CHST3: variants seen among roughly 807,000 people sequenced by gnomAD.
CHST3 encodes the protein carbohydrate sulfotransferase 3, also known as C6ST-1.
CHST3 carries 20 observed loss-of-function variants against 35.4 expected under a neutral mutation model. The observed-to-expected ratio is 0.57, with a 90% CI of 0.40 to 0.82. The LOEUF is 0.82. Ranked by LOEUF, CHST3 falls within the 40% of genes least tolerant of loss-of-function variation. CHST3 has a pLI of 0.00. For synonymous variants in CHST3, 334 were observed against 295.9 expected, an observed-to-expected ratio of 1.13 and a Z score of -1.32; for missense variants, 693 against 670.1, an observed-to-expected ratio of 1.03 and a Z score of -0.38.
chr10:72,006,118 C>T, intron 2 of CHST3, 136 bp downstream of exon 2: 2 of 1,109,642 alleles, frequency 1.8e-6, no homozygotes, highest in Non-Finnish European at 2.7e-6. Flanking sequence ...TTCTATGTCC[C>T]AGGCAGTGGC....
rs1209265336 is a variant in CHST3 at position 72,009,649 on chromosome 10, G to C, written c.*1178G>C. On this transcript the variant is annotated 3_prime_UTR_variant, in exon 3 of 3. Transcript: ENST00000373115. The stretch of plus-strand genomic sequence containing the variant: ...CGTGGGGGAGAAGTCCCACCAGGAT[G>C]CCCCCCCTCCCCTGAGAAGCCCGCC... 1 of 152,284 alleles carries C rather than the reference G, an allele frequency of 6.6e-6. No individual in the cohort carries two copies. The highest frequency in any genetic ancestry group is 2.4e-5 in the African/African-American group (1 of 41,424). 9.4% of individuals were successfully genotyped at this position (152,284 alleles called of 1,614,324 possible).
intron 1 of CHST3, among the ~76,000 whole-genome samples, chr10:71,992,635 A>T (rs1193840355): frequency 6.7e-6 from 1 of 149,850 alleles, no homozygotes; most frequent in African/African-American, 2.5e-5. Context: ...CTGCTGCTTT[A>T]TCAACTAAGT....
In CHST3 at chr10:72,008,019, C is replaced by T. The variant is rs267606732; in HGVS notation, c.988C>T (p.Gln330Ter). ...GAAGAAGTGGCTGGACGACGAGGGC[C>T]AGGACGGCCTGAGGGAAGAGGAGGT... The part of the protein sequence containing the change: ...TWKKWLDDEG[Q>*]DGLREEEVQR... The change falls in exon 3 of 3, where the codon CAG becomes TAG. Residue 330 changes from glutamine to a stop codon, truncating the protein, a stop_gained. Coordinates refer to ENST00000373115, the MANE Select transcript of CHST3 (RefSeq NM_004273.5). LOFTEE classifies it high-confidence loss of function. 6.5e-7 allele frequency: 1 copy of T among 1,549,512 alleles called. No individual in the cohort carries two copies. Among genetic ancestry groups the T allele is most frequent in the Middle Eastern group, 1.7e-4 (1 of 5,798 alleles).
intron 1 of CHST3, among the ~76,000 whole-genome samples, chr10:71,967,593 A>G (rs1309225382): frequency 6.6e-6 from 1 of 152,088 alleles, no homozygotes; most frequent in Non-Finnish European, 1.5e-5. Context: ...ATTTAGGTTG[A>G]TTTCATGTTT....
At chr10:71,992,141 G>A (rs184474463) in intron 1 of CHST3, among the ~76,000 whole-genome samples, 46 of 152,174 alleles carry the variant, frequency 3.0e-4, no homozygotes, top group Non-Finnish European at 5.4e-4. Flanking sequence ...CTGAAGAGTA[G>A]GGTGGCTATG....
At chr10:72,006,038 C>A in intron 2 of CHST3, 56 bp downstream of exon 2, 19 of 1,407,102 alleles carry the variant, frequency 1.4e-5, no homozygotes, top group Non-Finnish European at 1.7e-5. Flanking sequence ...TGGGTGGGGA[C>A]AGGGAGGTAA....
chr10:71,965,959 T>C (rs923343403), intron 1 of CHST3, among the ~76,000 whole-genome samples: 3 of 152,106 alleles, frequency 2.0e-5, no homozygotes, highest in Admixed American at 2.0e-4. Flanking sequence ...AAAGCTTCAT[T>C]TCTGTATCTG....
intron 1 of CHST3, among the ~76,000 whole-genome samples, chr10:71,980,401 A>G (rs576835266): frequency 6.6e-6 from 1 of 152,198 alleles, no homozygotes; most frequent in Non-Finnish European, 1.5e-5. Context: ...GCTTATCATT[A>G]TGATACAGAG....
At chr10:71,984,798 C>T (rs1388897702) in intron 1 of CHST3, among the ~76,000 whole-genome samples, 1 of 152,216 alleles carries the variant, frequency 6.6e-6, no homozygotes, top group Non-Finnish European at 1.5e-5. Context: ...ACTGTGTTAA[C>T]TTCTGTTACT....
intron 1 of CHST3, among the ~76,000 whole-genome samples, chr10:71,988,195 T>C (rs973088658): frequency 2.0e-5 from 3 of 151,788 alleles, no homozygotes; most frequent in Non-Finnish European, 2.9e-5. Flanking sequence ...TGGGAAAAAA[T>C]AGGGCACATG....
intron 1 of CHST3, among the ~76,000 whole-genome samples, chr10:71,967,364 C>G (rs1312843017): frequency 6.6e-6 from 1 of 152,130 alleles, no homozygotes; most frequent in Non-Finnish European, 1.5e-5. Flanking sequence ...TCTGTTGTTC[C>G]CTTCTTTGCG....
chr10:72,000,120 TG>T (rs1839978198), intron 1 of CHST3, among the ~76,000 whole-genome samples: 1 of 127,524 alleles, frequency 7.8e-6, no homozygotes, highest in East Asian at 2.4e-4. Context: ...CAGCCACTCA[TG>T]TATGGAGCAA....
rs1840065364 is a variant in CHST3, at chr10:72,008,108, C to G, written c.1077C>G (p.Pro359=). ...CCGCGGAGCTGGGGCTGCGGCAGCCCGCCTGGCTGCGGGGCCGCTACATGC... is the reference window on the plus strand; with the variant it reads ...CCGCGGAGCTGGGGCTGCGGCAGCCGGCCTGGCTGCGGGGCCGCTACATGC... ...RLSAELGLRQ[P]AWLRGRYMLV... Residue 359 remains proline, a synonymous_variant, in exon 3 of 3, where the codon CCC becomes CCG. Coordinates refer to ENST00000373115, the MANE Select transcript of CHST3 (RefSeq NM_004273.5). 6.5e-7 allele frequency: 1 copy of G among 1,544,782 alleles called. No homozygotes were observed. The highest frequency in any genetic ancestry group is 1.4e-5 in the African/African-American group (1 of 72,894).
intron 1 of CHST3, among the ~76,000 whole-genome samples, chr10:71,968,018 A>G (rs901344411): frequency 7.0e-5 from 10 of 143,404 alleles, no homozygotes; most frequent in African/African-American, 1.5e-4. Flanking sequence ...AGGTTTCACC[A>G]TGTTGGCCAG....
At chr10:71,988,846 T>C (rs1477153352) in intron 1 of CHST3, among the ~76,000 whole-genome samples, 1 of 152,156 alleles carries the variant, frequency 6.6e-6, no homozygotes, top group African/African-American at 2.4e-5. Context: ...TACCAACCTA[T>C]TAGCTTTTAC....
intron 1 of CHST3, among the ~76,000 whole-genome samples, chr10:71,965,930 C>T (rs1457913685): frequency 6.6e-6 from 1 of 152,124 alleles, no homozygotes; most frequent in Non-Finnish European, 1.5e-5. Flanking sequence ...GCCTCTGCCC[C>T]TCTAAGAGGG....
At chr10:71,974,515 A>G (rs1175093304) in intron 1 of CHST3, among the ~76,000 whole-genome samples, 1 of 152,220 alleles carries the variant, frequency 6.6e-6, no homozygotes, top group Non-Finnish European at 1.5e-5. Context: ...AGCCAGGAGC[A>G]GAGCAGGAAT....
rs778031221 is a variant in CHST3 at position 72,007,190 on chromosome 10, G to A, written c.159G>A (p.Lys53=). 2 of 1,614,202 alleles carry A rather than the reference G, an allele frequency of 1.2e-6. No individual in the cohort carries two copies. The highest frequency in any genetic ancestry group is 1.7e-6 in the Non-Finnish European group (2 of 1,180,046). ...KIISRVSDKL[K]QIPQALADAN... ...CTCACAGGGTCTCAGACAAGCTGAAGCAGATTCCCCAAGCTCTAGCAGATG... is the reference window on the plus strand; with the variant it reads ...CTCACAGGGTCTCAGACAAGCTGAAACAGATTCCCCAAGCTCTAGCAGATG... The change falls in exon 3 of 3, where the codon AAG becomes AAA. Residue 53 remains lysine (K), a synonymous_variant. Coordinates refer to ENST00000373115, the MANE Select transcript of CHST3 (RefSeq NM_004273.5).
chr10:71,999,206 C>G (rs1165931279), intron 1 of CHST3, among the ~76,000 whole-genome samples: 2 of 152,202 alleles, frequency 1.3e-5, no homozygotes, highest in Non-Finnish European at 2.9e-5. Context: ...AAATAAAAAC[C>G]AGGCAGGCTG....
Sources: allele counts gnomAD v4.1 joint callset (sites outside exome capture counted in the v4.1 genomes callset), GRCh38; gene constraint gnomAD v4.1.1; transcripts MANE v1.5; gene names NCBI Gene and HGNC (gene_info 2026-07-23, HGNC 2026-07-21).